NAALADL2: variants seen among roughly 807,000 people sequenced by gnomAD.
NAALADL2 encodes the protein inactive N-acetylated-alpha-linked acidic dipeptidase-like protein 2.
A neutral mutation model predicts 87.2 loss-of-function variants in NAALADL2; 76 were observed. The ratio of observed to expected loss-of-function variants is 0.87; its 90% CI spans 0.72 to 1.05. NAALADL2 has a LOEUF of 1.05. Among genes scored for constraint, NAALADL2 ranks in the 50% least tolerant of loss-of-function variants. The pLI is 0.00. For missense variants in NAALADL2, 1,089 were observed against 945.8 expected (o/e 1.15, Z -1.99); for synonymous variants, 354 against 331.0 (o/e 1.07, Z -0.75).
intron 4 of NAALADL2, among the ~76,000 whole-genome samples, chr3:175,263,916 A>G (rs781384770): frequency 6.6e-6 from 1 of 151,834 alleles, no homozygotes; most frequent in Admixed American, 6.6e-5. Context: ...TTGGGCAATT[A>G]CTTGGGCTTA....
chr3:174,595,670 T>C (rs1023784919), intron 2 of NAALADL2, among the ~76,000 whole-genome samples: 3 of 152,206 alleles, frequency 2.0e-5, no homozygotes, highest in Middle Eastern at 3.2e-3. Flanking sequence ...CTTCTCCCTC[T>C]GTTGCTTTGG....
At chr3:175,213,580 GAT>G (rs1560173496) in intron 2 of NAALADL2, among the ~76,000 whole-genome samples, 1 of 152,142 alleles carries the variant, frequency 6.6e-6, no homozygotes, top group Non-Finnish European at 1.5e-5. Context: ...GAACAATCTA[GAT>G]AGGTAACTAT....
At chr3:175,211,819 C>T (rs2047349144) in intron 2 of NAALADL2, among the ~76,000 whole-genome samples, 1 of 152,028 alleles carries the variant, frequency 6.6e-6, no homozygotes, top group Middle Eastern at 3.4e-3. Context: ...CTTAAATTTT[C>T]TTGTTTTATT....
intron 10 of NAALADL2, among the ~76,000 whole-genome samples, chr3:175,611,453 A>G (rs1724639521): frequency 6.6e-6 from 1 of 151,978 alleles, no homozygotes; most frequent in African/African-American, 2.4e-5. Context: ...ATTAATTACC[A>G]TTGAGAGACC....
chr3:175,684,086 T>G (rs1418810050), intron 11 of NAALADL2, among the ~76,000 whole-genome samples: 1 of 152,024 alleles, frequency 6.6e-6, no homozygotes, highest in African/African-American at 2.4e-5. Context: ...AAAGTACTTT[T>G]GTAAAGGAGA....
chr3:175,108,368 C>A (rs1283056334), intron 2 of NAALADL2, among the ~76,000 whole-genome samples: 1 of 151,872 alleles, frequency 6.6e-6, no homozygotes, highest in Non-Finnish European at 1.5e-5. Context: ...CAGAGAGCAC[C>A]TTAACATGTC....
intron 3 of NAALADL2, among the ~76,000 whole-genome samples, chr3:174,846,440 AAC>A (rs1385112146): frequency 5.3e-5 from 8 of 152,156 alleles, no homozygotes; most frequent in Non-Finnish European, 4.4e-5. Context: ...AGCTCTCTGA[AAC>A]AGTTATTTTC....
At chr3:175,719,821 C>T (rs1741968301) in intron 11 of NAALADL2, among the ~76,000 whole-genome samples, 1 of 152,176 alleles carries the variant, frequency 6.6e-6, no homozygotes, top group Non-Finnish European at 1.5e-5. Context: ...CTGGGAAGTT[C>T]AAGATCAAGG....
intron 11 of NAALADL2, among the ~76,000 whole-genome samples, chr3:175,652,019 A>G (rs1165133847): frequency 3.3e-5 from 5 of 152,236 alleles, no homozygotes; most frequent in Admixed American, 2.6e-4. Context: ...TGCGTGGTAC[A>G]CGAGCAGACA....
intron 9 of NAALADL2, among the ~76,000 whole-genome samples, chr3:175,520,671 G>T (rs967580198): frequency 1.3e-5 from 2 of 152,194 alleles, no homozygotes; most frequent in Non-Finnish European, 2.9e-5. Flanking sequence ...GAAATTGCAG[G>T]ATGTGAAATA....
intron 4 of NAALADL2, among the ~76,000 whole-genome samples, chr3:175,299,002 T>C (rs1318375466): frequency 6.6e-6 from 1 of 152,180 alleles, no homozygotes; most frequent in Non-Finnish European, 1.5e-5. Flanking sequence ...TCTTTCAAAG[T>C]AATGACACCA....
chr3:174,575,385 T>G, intron 2 of NAALADL2, among the ~76,000 whole-genome samples: 1 of 152,312 alleles, frequency 6.6e-6, no homozygotes, highest in Non-Finnish European at 1.5e-5. Flanking sequence ...CTTGGTACTT[T>G]GTGAGCAATT....
chr3:174,968,603 C>T (rs9833632), intron 1 of NAALADL2, among the ~76,000 whole-genome samples: 5,096 of 152,078 alleles, frequency 0.034, 290 homozygotes, highest in African/African-American at 0.12. Context: ...CCTCAGCCTC[C>T]CGAGTAGCTG....
chr3:175,724,706 C>T (rs1457234960), intron 11 of NAALADL2, among the ~76,000 whole-genome samples: 12 of 152,056 alleles, frequency 7.9e-5, no homozygotes, highest in Non-Finnish European at 1.5e-5. Flanking sequence ...ATTCCCATAT[C>T]TCTACCTCTC....
intron 1 of NAALADL2, among the ~76,000 whole-genome samples, chr3:174,448,508 A>G (rs923140290): frequency 3.3e-5 from 5 of 152,156 alleles, no homozygotes; most frequent in Non-Finnish European, 7.3e-5. Context: ...ATCATGAAGG[A>G]GAAAGATGAA....
At chr3:175,184,857 TCCAAA>T (rs2109015342) in intron 2 of NAALADL2, among the ~76,000 whole-genome samples, 1 of 152,162 alleles carries the variant, frequency 6.6e-6, no homozygotes, top group East Asian at 1.9e-4. Context: ...CCAAACTTAT[TCCAAA>T]AACTAAATGA....
chr3:175,195,761 A>T (rs2109092326), intron 2 of NAALADL2, among the ~76,000 whole-genome samples: 1 of 152,048 alleles, frequency 6.6e-6, no homozygotes, highest in Non-Finnish European at 1.5e-5. Context: ...ATTTATTGTT[A>T]TGGGCCTGAA....
At chr3:175,554,602 G>C (rs1714962133) in intron 9 of NAALADL2, among the ~76,000 whole-genome samples, 1 of 151,938 alleles carries the variant, frequency 6.6e-6, no homozygotes, top group Non-Finnish European at 1.5e-5. Context: ...CTCAGAAATA[G>C]GGTCATTGGG....
intron 2 of NAALADL2, among the ~76,000 whole-genome samples, chr3:174,665,833 C>T (rs999279723): frequency 1.3e-5 from 2 of 152,178 alleles, no homozygotes; most frequent in South Asian, 2.1e-4. Flanking sequence ...ATGCCTCTCT[C>T]GTAGTTTCTT....
Sources: allele counts gnomAD v4.1 joint callset (sites outside exome capture counted in the v4.1 genomes callset), GRCh38; gene constraint gnomAD v4.1.1; transcripts MANE v1.5; gene names NCBI Gene and HGNC (gene_info 2026-07-23, HGNC 2026-07-21).